The following ARHGAP12 variants were observed in gnomAD, a reference collection of about 807,000 sequenced individuals.
ARHGAP12 encodes Rho GTPase activating protein 12, also known as rho GTPase-activating protein 12.
A neutral mutation model predicts 108.6 loss-of-function variants in ARHGAP12; 64 were observed. That is an observed-to-expected ratio of 0.59 (90% CI 0.48 to 0.73). ARHGAP12 has a LOEUF of 0.73. ARHGAP12 is among the 30% of genes least tolerant of loss of function. The pLI is 0.00. For synonymous variants in ARHGAP12, 312 were observed against 337.2 expected, an observed-to-expected ratio of 0.93 and a Z score of 0.82; for missense variants, 940 against 1,005.9, an observed-to-expected ratio of 0.93 and a Z score of 0.89.
chr10:31,857,677 G>A (rs1478119800), intron 4 of ARHGAP12, among the ~76,000 whole-genome samples: 1 of 152,070 alleles, frequency 6.6e-6, no homozygotes, highest in Non-Finnish European at 1.5e-5. Flanking sequence ...CCAACAAAAA[G>A]AGACAAACTA....
intron 15 of ARHGAP12, among the ~76,000 whole-genome samples, chr10:31,811,624 G>C (rs1182660819): frequency 6.7e-6 from 1 of 148,794 alleles, no homozygotes; most frequent in Non-Finnish European, 1.5e-5. Context: ...TACCTAATTT[G>C]AATTAATCAG....
At position 31,832,661 on chromosome 10, in the gene ARHGAP12, A is replaced by ACT. The variant is rs151070447; in HGVS notation, c.1387-863_1387-862dup. On this transcript the variant is annotated intron_variant, in intron 9 of 19. Transcript: ENST00000344936. ...TCAACTAAAGCACTCATACACACGC[A>ACT]CTCTCTCTCTCTCTCTCACAAGGAA... Among the ~76,000 whole-genome samples the ACT allele has an allele frequency of 9.0e-4, 135 of 149,804 alleles. 1 individual carries two copies. The highest frequency in any genetic ancestry group is 3.5e-3 in the Middle Eastern group (1 of 288).
chr10:31,897,374 G>T (rs1838743101), intron 3 of ARHGAP12, among the ~76,000 whole-genome samples: 1 of 152,028 alleles, frequency 6.6e-6, no homozygotes, highest in African/African-American at 2.4e-5. Flanking sequence ...ACACTAAAAG[G>T]CTAAGATTTA....
chr10:31,835,135 T>C (rs1592269786), intron 9 of ARHGAP12, among the ~76,000 whole-genome samples: 1 of 151,140 alleles, frequency 6.6e-6, no homozygotes, highest in Non-Finnish European at 1.5e-5. Context: ...GAGGCGGAGG[T>C]TGCAGTGAGC....
chr10:31,854,827 C>CTA (rs1836824415), intron 4 of ARHGAP12, among the ~76,000 whole-genome samples: 1 of 151,136 alleles, frequency 6.6e-6, no homozygotes, highest in African/African-American at 2.4e-5. Flanking sequence ...ATAAAAAATT[C>CTA]TGTATGAAAA....
At chr10:31,890,010 T>C (rs1431386577) in intron 3 of ARHGAP12, among the ~76,000 whole-genome samples, 1 of 152,202 alleles carries the variant, frequency 6.6e-6, no homozygotes, top group African/African-American at 2.4e-5. Flanking sequence ...TGCCTGTATA[T>C]ACATTACTGT....
At chr10:31,869,243 A>T (rs2132329899) in intron 3 of ARHGAP12, among the ~76,000 whole-genome samples, 1 of 152,240 alleles carries the variant, frequency 6.6e-6, no homozygotes, top group African/African-American at 2.4e-5. Context: ...ATACTTTAAA[A>T]AAAATAAAAC....
rs1198951995 is a variant in ARHGAP12 at position 31,812,812 on chromosome 10, A to G, written c.1846T>C (p.Ser616Pro). The change falls in exon 15 of 20, where the codon TCT (serine) becomes CCT (proline). Residue 616 changes from serine (S) to proline (P), a missense_variant. Physicochemically the swap from Ser to Pro is moderately conservative, Grantham distance 74. Coordinates refer to ENST00000344936, the MANE Select transcript of ARHGAP12 (RefSeq NM_018287.7). ...TTCTGTTCTGAAGAATCTATGCTAG[A>G]TACTTTAAAGGCTTAAGACAAAAAG... is the stretch of plus-strand genomic sequence containing the variant. ...DPKKLRSFKV[S>P]SIDSSEQKKT... 5.7e-6 allele frequency: 9 copies of G among 1,581,580 alleles called. No homozygotes were observed. The highest frequency in any genetic ancestry group is 7.7e-6 in the Non-Finnish European group (9 of 1,162,814).
intron 14 of ARHGAP12, among the ~76,000 whole-genome samples, 170 bp downstream of exon 14, chr10:31,814,089 G>A (rs1835113300): frequency 6.6e-6 from 1 of 152,104 alleles, no homozygotes; most frequent in African/African-American, 2.4e-5. Flanking sequence ...CGACAATAAT[G>A]AGTTAACAAG....
At chr10:31,810,479 G>A (rs372163806) in intron 16 of ARHGAP12, among the ~76,000 whole-genome samples, 170 bp downstream of exon 16, 40 of 152,120 alleles carry the variant, frequency 2.6e-4, no homozygotes, top group African/African-American at 9.4e-4. Flanking sequence ...ATTTGAAACA[G>A]GTGTAAACAT....
chr10:31,826,171 G>C, intron 11 of ARHGAP12, 133 bp downstream of exon 11: 1 of 611,902 alleles, frequency 1.6e-6, no homozygotes, highest in Non-Finnish European at 2.7e-6. Flanking sequence ...GAATCTTTAA[G>C]AAGATTTTAT....
chr10:31,899,031 A>G (rs1302658959), intron 3 of ARHGAP12, among the ~76,000 whole-genome samples: 1 of 152,226 alleles, frequency 6.6e-6, no homozygotes, highest in Non-Finnish European at 1.5e-5. Flanking sequence ...ACATGGCTGA[A>G]CATTGAAAAC....
chr10:31,879,424 CTT>C (rs1209484853), intron 3 of ARHGAP12, among the ~76,000 whole-genome samples: 2 of 152,230 alleles, frequency 1.3e-5, no homozygotes, highest in South Asian at 2.1e-4. Flanking sequence ...GAATATTTCT[CTT>C]GTTTAACTAT....
intron 3 of ARHGAP12, among the ~76,000 whole-genome samples, chr10:31,867,552 C>T (rs186478969): frequency 3.3e-5 from 5 of 152,182 alleles, no homozygotes; most frequent in African/African-American, 4.8e-5. Context: ...TCTTTTCTAG[C>T]GAACCAAAAA....
chr10:31,849,757 G>T (rs747543760), intron 6 of ARHGAP12, among the ~76,000 whole-genome samples: 13 of 152,184 alleles, frequency 8.5e-5, no homozygotes, highest in Non-Finnish European at 1.8e-4. Flanking sequence ...AAATGAAATA[G>T]TATCACAAAA....
chr10:31,812,098 C>T (rs1254497170), intron 15 of ARHGAP12, among the ~76,000 whole-genome samples: 1 of 151,936 alleles, frequency 6.6e-6, no homozygotes, highest in Non-Finnish European at 1.5e-5. Flanking sequence ...TTTTTATTTA[C>T]AAATAAATGC....
chr10:31,921,944 C>T (rs539102606), intron 1 of ARHGAP12, among the ~76,000 whole-genome samples: 4 of 151,706 alleles, frequency 2.6e-5, no homozygotes, highest in Non-Finnish European at 5.9e-5. Flanking sequence ...AATCCCAGCA[C>T]TTTGGGAAGC....
At chr10:31,852,258 T>C (rs996451947) in intron 6 of ARHGAP12, among the ~76,000 whole-genome samples, 5 of 152,206 alleles carry the variant, frequency 3.3e-5, no homozygotes, top group African/African-American at 9.6e-5. Flanking sequence ...AGAGAATTCT[T>C]ATTTCCAAGA....
intron 18 of ARHGAP12, 44 bp downstream of exon 18, chr10:31,808,950 A>T: frequency 6.6e-7 from 1 of 1,522,568 alleles, no homozygotes; most frequent in Non-Finnish European, 8.9e-7. Flanking sequence ...CTGTGCAAAG[A>T]ATTTTCAATA....
Sources: allele counts gnomAD v4.1 joint callset (sites outside exome capture counted in the v4.1 genomes callset), GRCh38; gene constraint gnomAD v4.1.1; transcripts MANE v1.5; gene names NCBI Gene and HGNC (gene_info 2026-07-23, HGNC 2026-07-21).